The following BLM variants were observed in gnomAD, a reference collection of about 807,000 sequenced individuals.
BLM encodes recQ-like DNA helicase BLM.
Under a neutral mutation model 135.3 loss-of-function variants are expected in BLM, and 95 were observed. That is an observed-to-expected ratio of 0.70 (90% CI 0.59 to 0.83). BLM has a LOEUF of 0.83. BLM is among the 40% of genes least tolerant of loss of function. The pLI is 0.00. For missense variants in BLM, 1,518 were observed against 1,663.9 expected, an observed-to-expected ratio of 0.91 and a Z score of 1.53; for synonymous variants, 520 against 589.2, an observed-to-expected ratio of 0.88 and a Z score of 1.70.
intron 19 of BLM, chr15:90,808,923 A>AT: frequency 1.6e-6 from 1 of 633,798 alleles, no homozygotes; most frequent in South Asian, 1.8e-5. Context: ...GCCCTGGCCT[A>AT]TGCCGCTGGA....
intron 9 of BLM, among the ~76,000 whole-genome samples, 156 bp from the exon 10 acceptor site, chr15:90,766,754 A>T (rs28385036): frequency 0.015 from 2,310 of 152,300 alleles, 59 homozygotes; most frequent in African/African-American, 0.053. Flanking sequence ...AGGGTTTTTT[A>T]AAATGTATGT....
In BLM at chr15:90,761,103, G is replaced by A. The variant is rs1567041417; in HGVS notation, c.1730G>A (p.Ser577Asn). ...GACATAATGCATAATTTAGCAGCCAGCAAATCTTCCACAGCTGCCTATCAA... is the reference window on the plus strand; with the variant it reads ...GACATAATGCATAATTTAGCAGCCAACAAATCTTCCACAGCTGCCTATCAA... ...WEDIMHNLAA[S>N]KSSTAAYQPI... The change falls in exon 7 of 22, where the codon AGC becomes AAC. Residue 577 changes from serine (S) to asparagine (N), a missense_variant. Around this residue, in one of 5 missense-constraint regions of BLM, gnomAD observed 724 missense variants for 756.9 expected, o/e 0.96. Transcript: ENST00000355112. The A allele has an allele frequency of 2.6e-6, 4 of 1,546,856 alleles. No homozygotes were observed. Among genetic ancestry groups the A allele is most frequent in the Non-Finnish European group, 3.5e-6 (4 of 1,151,664 alleles).
chr15:90,719,731 GAT>G (rs1015229685), intron 1 of BLM, among the ~76,000 whole-genome samples: 2 of 151,998 alleles, frequency 1.3e-5, no homozygotes, highest in African/African-American at 2.4e-5. Flanking sequence ...AAAATTAAAA[GAT>G]ATACATATAT....
At chr15:90,793,513 G>A (rs528893430) in intron 15 of BLM, among the ~76,000 whole-genome samples, 5 of 152,220 alleles carry the variant, frequency 3.3e-5, no homozygotes, top group South Asian at 4.1e-4. Context: ...AATCAAATCC[G>A]ACACTGCCAC....
At chr15:90,758,978 G>C (rs375982783) in intron 5 of BLM, among the ~76,000 whole-genome samples, 1 of 152,130 alleles carries the variant, frequency 6.6e-6, no homozygotes, top group Non-Finnish European at 1.5e-5. Flanking sequence ...CCTGTCCAAC[G>C]CTTAACAATA....
intron 15 of BLM, chr15:90,793,825 G>C (rs1896963009): frequency 5.8e-6 from 1 of 171,168 alleles, no homozygotes; most frequent in South Asian, 1.4e-4. Context: ...ACTCAGAGAA[G>C]TGCATGGCCA....
At chr15:90,740,028 G>A (rs1214878775) in intron 1 of BLM, among the ~76,000 whole-genome samples, 1 of 152,164 alleles carries the variant, frequency 6.6e-6, no homozygotes, top group African/African-American at 2.4e-5. Context: ...GCCTTCCAAA[G>A]GGCTGGGATT....
In BLM at chr15:90,803,651, C is replaced by A. The variant is rs1277315763; in HGVS notation, c.3489C>A (p.Ala1163=). ...TGGATGAAGACTTATATATCAATGCCAATGACCAGGCGATCGCTTATGTGA... is the reference window on the plus strand; with the variant it reads ...TGGATGAAGACTTATATATCAATGCAAATGACCAGGCGATCGCTTATGTGA... ...KILDEDLYIN[A]NDQAIAYVML... Residue 1163 remains alanine, a synonymous_variant, in exon 18 of 22, where the codon GCC becomes GCA. Coordinates refer to ENST00000355112, the MANE Select transcript of BLM (RefSeq NM_000057.4). 6 of 1,613,978 alleles carry A rather than the reference C, an allele frequency of 3.7e-6. 1 individual carries two copies. The South Asian group carries it at 6.6e-5, about 18-fold the overall frequency.
chr15:90,719,009 G>A (rs1402636364), intron 1 of BLM, among the ~76,000 whole-genome samples: 1 of 151,872 alleles, frequency 6.6e-6, no homozygotes, highest in Non-Finnish European at 1.5e-5. Flanking sequence ...TTTGTTTTTG[G>A]GGGATGGAGT....
At chr15:90,727,467 C>G (rs1894949325) in intron 1 of BLM, among the ~76,000 whole-genome samples, 1 of 152,074 alleles carries the variant, frequency 6.6e-6, no homozygotes, top group South Asian at 2.1e-4. Flanking sequence ...AAAATTGGTC[C>G]CTGGCTGTGT....
intron 1 of BLM, among the ~76,000 whole-genome samples, chr15:90,732,317 C>T (rs1347549150): frequency 6.6e-6 from 1 of 151,930 alleles, no homozygotes; most frequent in African/African-American, 2.4e-5. Flanking sequence ...AGAATTAGTG[C>T]AGTATATCAT....
intron 1 of BLM, among the ~76,000 whole-genome samples, chr15:90,727,507 A>G (rs913513319): frequency 1.3e-5 from 2 of 151,950 alleles, no homozygotes; most frequent in African/African-American, 4.8e-5. Flanking sequence ...AACCTTTCCT[A>G]CACTGATCAG....
chr15:90,760,180 A>G lies in BLM; in HGVS notation c.1121A>G (p.His374Arg), dbSNP rs776225502. 7 of 1,612,470 alleles carry G rather than the reference A, an allele frequency of 4.3e-6. No homozygotes were observed. In the African/African-American group the frequency reaches 9.4e-5, roughly 22 times the overall value. Residue 374 changes from histidine to arginine, a missense_variant, in exon 6 of 22, where the codon CAT (histidine) becomes CGT (arginine). By Grantham distance (29) the His-to-Arg change is conservative. Transcript: ENST00000355112. Reference protein sequence around the residue: ...RQISLQQQLIHVMEHICKLID... With the variant: ...RQISLQQQLIRVMEHICKLID... ...ATAAGTTTACAGCAGCAGCTTATTC[A>G]TGTGATGGAGCACATCTGTAAATTA...
Position 90,769,135 on chromosome 15 carries a change from C to G in BLM, c.2310C>G (p.Ile770Met). 1 of 1,606,286 alleles carries G rather than the reference C, an allele frequency of 6.2e-7. No individual in the cohort carries two copies. The highest frequency in any genetic ancestry group is 8.5e-7 in the Non-Finnish European group (1 of 1,172,856). Reference protein sequence around the residue: ...IKLLYVTPEKICASNRLISTL... With the variant: ...IKLLYVTPEKMCASNRLISTL... ...TGTCTAATGTATTTCTGGCCTAGATCTGTGCAAGTAACAGACTCATTTCTA... is the reference window on the plus strand; with the variant it reads ...TGTCTAATGTATTTCTGGCCTAGATGTGTGCAAGTAACAGACTCATTTCTA... The change falls in exon 11 of 22, where the codon ATC (isoleucine) becomes ATG (methionine). Residue 770 changes from isoleucine (I) to methionine (M), a missense_variant and splice_region_variant. Physicochemically the swap from Ile to Met is conservative, Grantham distance 10 (BLOSUM62 1). This residue lies in a region of BLM where 626 missense variants were observed against 681.1 expected (regional missense o/e 0.92). Coordinates refer to ENST00000355112, the MANE Select transcript of BLM (RefSeq NM_000057.4).
intron 12 of BLM, among the ~76,000 whole-genome samples, chr15:90,780,381 C>G (rs1374837728): frequency 6.6e-6 from 1 of 152,174 alleles, no homozygotes; most frequent in South Asian, 2.1e-4. Context: ...CCGCGCCCGT[C>G]CAGGATGTCT....
chr15:90,760,579 CTT>C lies in BLM; in HGVS notation c.1221-12_1221-11del, dbSNP rs1895945037. ...CTACTTATATTTAATACGTTGTTCT[CTT>C]TTCTCTCTTCAGAAGGAAACTTCTA... is the stretch of plus-strand genomic sequence containing the variant. On this transcript the variant is annotated splice_polypyrimidine_tract_variant and intron_variant, in intron 6 of 21. Transcript: ENST00000355112. The C allele has an allele frequency of 1.9e-6, 3 of 1,603,310 alleles. No individual in the cohort carries two copies.
rs533509407 is a variant in BLM, at chr15:90,757,846, G to A, written c.1088-2301G>A. Among the ~76,000 whole-genome samples, 3 of 151,890 alleles carry A rather than the reference G, an allele frequency of 2.0e-5. No homozygotes were observed. The East Asian group carries it at 5.8e-4, about 29-fold the overall frequency. ...GACTTTAGGCCTGAGAGGTGGCAAA[G>A]GCATCTGTTGTCCTTGCTTCCTATT... is the stretch of plus-strand genomic sequence containing the variant. On this transcript the variant is annotated intron_variant, in intron 5 of 21. Transcript: ENST00000355112.
At chr15:90,802,423 C>G (rs1380698516) in intron 17 of BLM, among the ~76,000 whole-genome samples, 1 of 152,184 alleles carries the variant, frequency 6.6e-6, no homozygotes, top group East Asian at 1.9e-4. Flanking sequence ...AGGATCCAGC[C>G]AACTGTGGCT....
chr15:90,751,705 C>T, intron 3 of BLM, 82 bp from the exon 4 acceptor site: 1 of 1,223,884 alleles, frequency 8.2e-7, no homozygotes, highest in Non-Finnish European at 1.2e-6. Context: ...GCCAGAAGCA[C>T]TCATTCTTAA....
Sources: allele counts gnomAD v4.1 joint callset (sites outside exome capture counted in the v4.1 genomes callset), GRCh38; gene constraint gnomAD v4.1.1; regional missense constraint gnomAD v4.1.1; transcripts MANE v1.5; gene names NCBI Gene and HGNC (gene_info 2026-07-23, HGNC 2026-07-21).